ZC3H12B: variants seen among roughly 807,000 people sequenced by gnomAD.
ZC3H12B encodes probable ribonuclease ZC3H12B.
A neutral mutation model predicts 43.9 loss-of-function variants in ZC3H12B; 7 were observed. The ratio of observed to expected loss-of-function variants is 0.16; its 90% confidence interval spans 0.09 to 0.30. The LOEUF (loss-of-function observed/expected upper bound fraction) is 0.30, where lower values mean the gene tolerates loss of function less well. Among genes scored for constraint, ZC3H12B ranks in the 10% least tolerant of loss-of-function variants. The pLI is 1.00. For synonymous variants in ZC3H12B, 222 were observed against 241.7 expected (o/e 0.92, Z 0.76); for missense variants, 475 against 670.2 (o/e 0.71, Z 3.22).
the ZC3H12B span, among the ~76,000 whole-genome samples, chrX:65,349,310 G>T: frequency 8.9e-6 from 1 of 111,798 alleles, no homozygotes; most frequent in African/African-American, 3.3e-5. Context: ...GATGTTCTTT[G>T]AAACCAATGA....
At chrX:65,170,187 A>G in the ZC3H12B span, among the ~76,000 whole-genome samples, 1 of 111,147 alleles carries the variant, frequency 9.0e-6, no homozygotes, top group Non-Finnish European at 1.9e-5. Context: ...GTTCCTTTCC[A>G]TGGTTAGTGC....
At chrX:65,467,831 C>T (rs963290968) in intron 3 of ZC3H12B, among the ~76,000 whole-genome samples, 15 of 111,696 alleles carry the variant, frequency 1.3e-4, no homozygotes, top group African/African-American at 4.9e-4. Context: ...TGTGTGAGTT[C>T]CTTGTAGTTC....
chrX:65,361,579 CAT>C, the ZC3H12B span, among the ~76,000 whole-genome samples: 1 of 111,676 alleles, frequency 9.0e-6, no homozygotes, highest in Non-Finnish European at 1.9e-5. Context: ...TGTGTAAAAA[CAT>C]AAAACTGCAG....
At chrX:65,332,528 G>T in the ZC3H12B span, among the ~76,000 whole-genome samples, 1 of 111,261 alleles carries the variant, frequency 9.0e-6, no homozygotes, top group African/African-American at 3.3e-5. Context: ...GCAACTGTTG[G>T]AACCAAGCTG....
chrX:65,338,543 C>T, the ZC3H12B span, among the ~76,000 whole-genome samples: 2 of 111,851 alleles, frequency 1.8e-5, no homozygotes, highest in East Asian at 5.6e-4. Context: ...ATGCCAAAAT[C>T]GGGCAGAGAC....
intron 1 of ZC3H12B, among the ~76,000 whole-genome samples, chrX:65,496,485 A>G (rs932987733): frequency 8.0e-5 from 9 of 111,948 alleles, no homozygotes; most frequent in African/African-American, 2.9e-4. Flanking sequence ...GAAAAAGAAG[A>G]GAGAAAATGG....
At chrX:65,229,637 T>C in the ZC3H12B span, among the ~76,000 whole-genome samples, 2 of 105,473 alleles carry the variant, frequency 1.9e-5, no homozygotes, top group South Asian at 9.0e-4. Context: ...CCTACTCATC[T>C]GACAAAGGGC....
rs773724355 is a variant in ZC3H12B, at chrX:65,476,290, CTT to C, written n.408-12352_408-12351del. 2.4e-3 allele frequency among the ~76,000 whole-genome samples: 269 copies of C among 111,619 alleles called. 2 individuals are homozygous for C. The highest frequency in any genetic ancestry group is 8.3e-3 in the African/African-American group (254 of 30,742). On this transcript the variant is annotated intron_variant and non_coding_transcript_variant, in intron 3 of 5. Coordinates refer to the ZC3H12B transcript ENST00000617377. The stretch of plus-strand genomic sequence containing the variant: ...GTAAGTCACGCAGACTTTCTTCAGT[CTT>C]TTTCATTCTTTTTACTTTTTGTCTT...
intron 3 of ZC3H12B, among the ~76,000 whole-genome samples, chrX:65,415,458 T>C (rs951029722): frequency 8.9e-6 from 1 of 112,715 alleles, no homozygotes; most frequent in African/African-American, 3.2e-5. Context: ...TTTCAGGGCC[T>C]GCTATCTATT....
chrX:65,111,080 G>C, the ZC3H12B span, among the ~76,000 whole-genome samples: 1 of 111,352 alleles, frequency 9.0e-6, no homozygotes, highest in African/African-American at 3.3e-5. Context: ...TGTTGATCTT[G>C]TATCCTGAGA....
At chrX:65,154,590 C>A in the ZC3H12B span, among the ~76,000 whole-genome samples, 3 of 112,086 alleles carry the variant, frequency 2.7e-5, no homozygotes, top group Non-Finnish European at 5.6e-5. Context: ...CACCATTGGC[C>A]GTGTGGCGGT....
At chrX:65,094,390 G>T in the ZC3H12B span, among the ~76,000 whole-genome samples, 1 of 110,447 alleles carries the variant, frequency 9.1e-6, no homozygotes. Context: ...AACCTATAGA[G>T]GAAGCAGTGG....
the ZC3H12B span, among the ~76,000 whole-genome samples, chrX:65,066,334 T>C: frequency 9.0e-6 from 1 of 111,724 alleles, no homozygotes; most frequent in South Asian, 3.8e-4. Flanking sequence ...TTTGTGGGTG[T>C]TCTTTTTATT....
chrX:65,404,755 C>A (rs1457741991), intron 3 of ZC3H12B, among the ~76,000 whole-genome samples: 7 of 111,648 alleles, frequency 6.3e-5, no homozygotes, highest in Non-Finnish European at 1.3e-4. Flanking sequence ...ACAATAATAT[C>A]TGGAGACTTC....
At chrX:65,125,577 A>G in the ZC3H12B span, among the ~76,000 whole-genome samples, 1 of 111,531 alleles carries the variant, frequency 9.0e-6, no homozygotes, top group East Asian at 2.8e-4. Flanking sequence ...ATTGAATATT[A>G]AAGTCCCCCA....
the ZC3H12B span, among the ~76,000 whole-genome samples, chrX:65,321,617 C>G: frequency 9.1e-6 from 1 of 109,832 alleles, no homozygotes; most frequent in East Asian, 2.9e-4. Flanking sequence ...CATTGCAGAA[C>G]TTTTCACAAT....
At chrX:65,099,289 A>G in the ZC3H12B span, among the ~76,000 whole-genome samples, 1 of 111,889 alleles carries the variant, frequency 8.9e-6, no homozygotes, top group Non-Finnish European at 1.9e-5. Flanking sequence ...GTGCAGCTTC[A>G]GCGGACTTAA....
chrX:65,188,085 C>T, the ZC3H12B span, among the ~76,000 whole-genome samples: 3 of 111,313 alleles, frequency 2.7e-5, 1 homozygote, highest in Admixed American at 2.9e-4. Context: ...TGGCTTTTTT[C>T]ACTTAACATA....
At chrX:65,380,107 C>T (rs759029818) in intron 2 of ZC3H12B, among the ~76,000 whole-genome samples, 6 of 111,356 alleles carry the variant, frequency 5.4e-5, no homozygotes, top group South Asian at 3.8e-4. Flanking sequence ...ATACAAAGAA[C>T]GCCACAAAGA....
Sources: gnomAD v4.1 joint callset for allele counts (sites outside exome capture counted in the v4.1 genomes callset) on GRCh38, gnomAD v4.1.1 for gene constraint, MANE v1.5 for transcripts, NCBI Gene and HGNC (gene_info 2026-07-23, HGNC 2026-07-21) for gene names.